The following MCC variants were observed in gnomAD, a reference collection of about 807,000 sequenced individuals.
The protein encoded by MCC is colorectal mutant cancer protein.
MCC carries 90 observed loss-of-function variants against 116.2 expected under a neutral mutation model. That is an observed-to-expected ratio of 0.77 (90% CI 0.65 to 0.92). MCC has a LOEUF of 0.92. Ranked by LOEUF, MCC falls within the 40% of genes least tolerant of loss-of-function variation. MCC has a pLI of 0.00. For missense variants in MCC, 1,516 were observed against 1,312.2 expected, an observed-to-expected ratio of 1.16 and a Z score of -2.40; for synonymous variants, 578 against 510.5, an observed-to-expected ratio of 1.13 and a Z score of -1.78.
chr5:113,166,968 T>C (rs572087668), intron 3 of MCC, among the ~76,000 whole-genome samples: 76 of 152,272 alleles, frequency 5.0e-4, no homozygotes, highest in African/African-American at 1.7e-3. Flanking sequence ...TGAAGCTTGG[T>C]ATGTCTTACA....
chr5:113,144,412 T>A (rs1289256662), intron 4 of MCC, among the ~76,000 whole-genome samples: 1 of 152,248 alleles, frequency 6.6e-6, no homozygotes, highest in African/African-American at 2.4e-5. Flanking sequence ...GCAGAGGAAC[T>A]TTAATTTCAT....
intron 11 of MCC, among the ~76,000 whole-genome samples, chr5:113,077,165 T>G (rs1029909746): frequency 3.0e-4 from 46 of 152,108 alleles, no homozygotes; most frequent in African/African-American, 1.0e-3. Flanking sequence ...AGCAAGTCCT[T>G]AGAGACCTAC....
intron 16 of MCC, among the ~76,000 whole-genome samples, chr5:113,043,944 T>G (rs1751902881): frequency 6.6e-6 from 1 of 152,066 alleles, no homozygotes; most frequent in Admixed American, 6.5e-5. Context: ...CCACAAATAC[T>G]CTCTGAGGCA....
chr5:113,361,173 CT>C (rs1178338497), intron 2 of MCC, among the ~76,000 whole-genome samples: 2 of 150,938 alleles, frequency 1.3e-5, no homozygotes, highest in Admixed American at 6.6e-5. Flanking sequence ...TTCTAATCGT[CT>C]TTTTTTTTCT....
intron 1 of MCC, among the ~76,000 whole-genome samples, chr5:113,438,940 C>T (rs986965635): frequency 5.9e-5 from 9 of 152,058 alleles, no homozygotes; most frequent in African/African-American, 2.2e-4. Context: ...CTGGGGTTGC[C>T]CAGGAAGGTG....
chr5:113,392,754 T>C (rs1047557315), intron 1 of MCC, among the ~76,000 whole-genome samples: 1 of 152,170 alleles, frequency 6.6e-6, no homozygotes, highest in Non-Finnish European at 1.5e-5. Flanking sequence ...ATTAATTTAA[T>C]GCTCAGAACC....
chr5:113,075,954 T>C (rs912970413), intron 11 of MCC, among the ~76,000 whole-genome samples: 1 of 152,048 alleles, frequency 6.6e-6, no homozygotes, highest in South Asian at 2.1e-4. Flanking sequence ...TGTAACTCAC[T>C]GTGAAGGTCT....
intron 2 of MCC, among the ~76,000 whole-genome samples, chr5:113,363,177 T>G (rs552387721): frequency 5.3e-5 from 8 of 152,254 alleles, no homozygotes; most frequent in African/African-American, 1.9e-4. Flanking sequence ...TTCAGGAGGC[T>G]GAGGCAGGAG....
chr5:113,233,503 C>A (rs1561474937), intron 3 of MCC, among the ~76,000 whole-genome samples: 1 of 152,108 alleles, frequency 6.6e-6, no homozygotes, highest in Non-Finnish European at 1.5e-5. Flanking sequence ...TTCTCTGAAA[C>A]CCTGGGTATC....
At chr5:113,412,778 G>T (rs1482960295) in intron 1 of MCC, among the ~76,000 whole-genome samples, 1 of 152,116 alleles carries the variant, frequency 6.6e-6, no homozygotes, top group Non-Finnish European at 1.5e-5. Context: ...TCTCTTGCCT[G>T]ACTGCCCTGG....
At chr5:113,112,526 C>T (rs976472291) in intron 6 of MCC, among the ~76,000 whole-genome samples, 8 of 152,238 alleles carry the variant, frequency 5.3e-5, no homozygotes, top group Non-Finnish European at 1.0e-4. Flanking sequence ...GCTTCCGGTA[C>T]AGCCTGTGGA....
Position 113,027,324 on chromosome 5 carries a change from T to C in MCC, c.3038A>G (p.His1013Arg). The change falls in exon 19 of 19, where the codon CAC becomes CGC. Residue 1013 changes from histidine to arginine, a missense_variant. Coordinates refer to ENST00000408903, the MANE Select transcript of MCC (RefSeq NM_001085377.2). ...TGATTAAAGCGAAGTTTCATTGGTG[T>C]GTGGCCTGGAGTTCTCCTCCTCTAG... The part of the protein sequence containing the change: ...ALLEEENSRP[H>R]TNETSL 1.9e-6 allele frequency: 3 copies of C among 1,614,184 alleles called. No homozygotes were observed. The highest frequency in any genetic ancestry group is 2.5e-6 in the Non-Finnish European group (3 of 1,180,002).
intron 3 of MCC, among the ~76,000 whole-genome samples, chr5:113,295,753 C>T (rs2150363136): frequency 6.6e-6 from 1 of 152,260 alleles, no homozygotes; most frequent in East Asian, 1.9e-4. Flanking sequence ...TAGGATTTTT[C>T]TCTCCACAAA....
rs957272304 is a variant in MCC at position 113,101,762 on chromosome 5, C to T, written c.1375G>A (p.Glu459Lys). ...ACCCTCCTCCGGAGCCGGTCCCGCT[C>T]TTCCCGGATGGCATTCATGGTGGCC... The part of the protein sequence containing the change: ...TKATMNAIRE[E>K]RDRLRRRVRE... Residue 459 changes from glutamate (E) to lysine (K), a missense_variant, in exon 8 of 19, where the codon GAG becomes AAG. Coordinates refer to ENST00000408903, the MANE Select transcript of MCC (RefSeq NM_001085377.2). 6.2e-7 allele frequency: 1 copy of T among 1,613,564 alleles called. No homozygotes were observed. The highest frequency in any genetic ancestry group is 2.2e-5 in the East Asian group (1 of 44,874).
intron 3 of MCC, among the ~76,000 whole-genome samples, chr5:113,337,890 C>T (rs1482399985): frequency 6.6e-6 from 1 of 152,174 alleles, no homozygotes; most frequent in African/African-American, 2.4e-5. Context: ...TCAAATCGGG[C>T]TCTACAGACC....
At chr5:113,278,580 A>ACAAG (rs1386721922) in intron 3 of MCC, among the ~76,000 whole-genome samples, 1 of 152,240 alleles carries the variant, frequency 6.6e-6, no homozygotes, top group Non-Finnish European at 1.5e-5. Flanking sequence ...CAGGAGGTAG[A>ACAAG]CAAGCAAAGT....
intron 3 of MCC, among the ~76,000 whole-genome samples, chr5:113,178,104 T>A (rs532795264): frequency 1.5e-4 from 23 of 151,806 alleles, no homozygotes; most frequent in Non-Finnish European, 2.9e-4. Context: ...TGCAGGAAAG[T>A]GGGGTATGAG....
intron 3 of MCC, among the ~76,000 whole-genome samples, chr5:113,230,990 G>T (rs1763920064): frequency 1.3e-5 from 2 of 152,078 alleles, no homozygotes; most frequent in Non-Finnish European, 2.9e-5. Flanking sequence ...CCAGCTACAG[G>T]AATTTCTTGG....
chr5:113,135,747 T>A (rs1758780939), intron 5 of MCC, among the ~76,000 whole-genome samples: 1 of 151,130 alleles, frequency 6.6e-6, no homozygotes, highest in Non-Finnish European at 1.5e-5. Context: ...TCATCCTATA[T>A]AAAATGATAG....
Sources: gnomAD v4.1 joint callset for allele counts (sites outside exome capture counted in the v4.1 genomes callset) on GRCh38, gnomAD v4.1.1 for gene constraint, MANE v1.5 for transcripts, NCBI Gene and HGNC (gene_info 2026-07-23, HGNC 2026-07-21) for gene names.